Variants in SNX31 observed in about 807,000 individuals in gnomAD.
The protein encoded by SNX31 is sorting nexin-31.
In SNX31, 58 loss-of-function variants were observed where a neutral mutation model predicts 65.4. The observed-to-expected ratio is 0.89, with a 90% CI of 0.72 to 1.10. The LOEUF (loss-of-function observed/expected upper bound fraction) is 1.10. Among genes scored for constraint, SNX31 ranks in the 50% least tolerant of loss-of-function variants. The probability of loss-of-function intolerance (pLI) is 0.00; values close to 1 mark genes in which losing one functional copy is unlikely to be tolerated. For missense variants in SNX31, 523 were observed against 529.7 expected (o/e 0.99, Z 0.12); for synonymous variants, 181 against 190.1 (o/e 0.95, Z 0.39).
At position 100,625,728 on chromosome 8, in the gene SNX31, G is replaced by A. The variant is rs1039601502; in HGVS notation, c.321+4599C>T. Among the ~76,000 whole-genome samples the A allele has an allele frequency of 6.6e-6, 1 of 152,152 alleles. No individual in the cohort carries two copies. Among genetic ancestry groups the A allele is most frequent in the Admixed American group, 6.6e-5 (1 of 15,266 alleles). On this transcript the variant is annotated intron_variant, in intron 4 of 13. Coordinates refer to ENST00000311812, the MANE Select transcript of SNX31 (RefSeq NM_152628.4). The surrounding 1 kb of genome is among the most constrained non-coding windows in gnomAD (Gnocchi z 4.2). ...GAATCAGAGGTCTCAAAGTGCTGCA[G>A]AACTCAAGCAACGCATAAGCTGCCT...
Position 100,612,655 on chromosome 8 carries a change from G to A in SNX31, c.523+340C>T, listed in dbSNP as rs983992789. Among the ~76,000 whole-genome samples, 101 of 152,162 alleles carry A rather than the reference G, an allele frequency of 6.6e-4. No homozygotes were observed. The highest frequency in any genetic ancestry group is 2.2e-3 in the African/African-American group (93 of 41,442). On this transcript the variant is annotated intron_variant, in intron 6 of 13. Transcript: ENST00000311812. This position sits in a 1 kb window ranked among gnomAD's most constrained non-coding sequence, Gnocchi z 4.3. ...AGGAGAAATGATGCTGTGGTGGGGC[G>A]TCCTGACCCCTGGAGTCTAGCACTC...
chr8:100,657,547 T>A (rs1183461872), intron 1 of SNX31, among the ~76,000 whole-genome samples: 1 of 151,880 alleles, frequency 6.6e-6, no homozygotes, highest in Non-Finnish European at 1.5e-5. Context: ...ACAGGCTTGC[T>A]GGCCAAGGAG....
chr8:100,660,076 T>G lies in SNX31; in HGVS notation c.-58+3066A>C, dbSNP rs1809758867. On this transcript the variant is annotated intron_variant, in intron 1 of 5. Transcript: ENST00000520352. The surrounding 1 kb of genome is among the most constrained non-coding windows in gnomAD (Gnocchi z 4.1). Reference sequence around the variant, plus strand: ...ATGAAAATATGATTAAGATCACTCTTTGGCTGAAAGTAAATTATGCCAGTG... The same window carrying G: ...ATGAAAATATGATTAAGATCACTCTGTGGCTGAAAGTAAATTATGCCAGTG... 6.6e-6 allele frequency among the ~76,000 whole-genome samples: 1 copy of G among 152,206 alleles called. No individual in the cohort carries two copies. Among genetic ancestry groups the G allele is most frequent in the South Asian group, 2.1e-4 (1 of 4,834 alleles).
At position 100,578,422 on chromosome 8, in the gene SNX31, C is replaced by CACATG. The variant is rs1813223227; in HGVS notation, c.1171-1352_1171-1348dup. Among the ~76,000 whole-genome samples the CACATG allele has an allele frequency of 1.3e-5, 2 of 152,202 alleles. No homozygotes were observed. Among genetic ancestry groups the CACATG allele is most frequent in the African/African-American group, 4.8e-5 (2 of 41,458 alleles). ...ACTCTGGATCCTCAGGTTTAGCCATCACATGGTACACACAGGCATTCATAA... is the reference window on the plus strand; with the variant it reads ...ACTCTGGATCCTCAGGTTTAGCCATCACATGACATGGTACACACAGGCATTCATAA... On this transcript the variant is annotated intron_variant, in intron 12 of 13. Coordinates refer to ENST00000311812, the MANE Select transcript of SNX31 (RefSeq NM_152628.4). This position sits in a 1 kb window ranked among gnomAD's most constrained non-coding sequence, Gnocchi z 4.7.
chr8:100,620,771 T>C (rs1817625035), intron 4 of SNX31, among the ~76,000 whole-genome samples: 1 of 152,162 alleles, frequency 6.6e-6, no homozygotes, highest in Non-Finnish European at 1.5e-5. Context: ...AATCCCATTA[T>C]TTTTTCAGAT....
rs565356325 is a variant in SNX31, at chr8:100,605,043, C to T, written c.681+3451G>A. Among the ~76,000 whole-genome samples the T allele has an allele frequency of 8.9e-4, 135 of 152,214 alleles. 1 individual carries two copies. The highest frequency in any genetic ancestry group is 3.1e-3 in the African/African-American group (128 of 41,528). ...CCTCCCGAGTAGCTGGGACTACAGG[C>T]GTGCGCCACCGTGCCCAGCTAATTT... On this transcript the variant is annotated intron_variant, in intron 8 of 13. Coordinates refer to ENST00000311812, the MANE Select transcript of SNX31 (RefSeq NM_152628.4).
upstream of SNX31, among the ~76,000 whole-genome samples, chr8:100,650,075 T>G (rs926569250): frequency 1.3e-5 from 2 of 152,084 alleles, no homozygotes; most frequent in Admixed American, 6.5e-5. Context: ...CCCCCCCAAA[T>G]GGAAATGGCT....
rs1174830111 is a variant in SNX31, at chr8:100,588,200, C to T, written c.1092+666G>A. 6.6e-6 allele frequency among the ~76,000 whole-genome samples: 1 copy of T among 151,652 alleles called. No homozygotes were observed. Among genetic ancestry groups the T allele is most frequent in the African/African-American group, 2.4e-5 (1 of 41,256 alleles). On this transcript the variant is annotated intron_variant, in intron 11 of 13. Transcript: ENST00000311812. The surrounding 1 kb of genome is among the most constrained non-coding windows in gnomAD (Gnocchi z 4.8). ...GCCATATATACAGACTGTCATTGACCAAAATGTTATGTACCACATGAATGT... is the reference window on the plus strand; with the variant it reads ...GCCATATATACAGACTGTCATTGACTAAAATGTTATGTACCACATGAATGT...
chr8:100,582,330 C>T (rs573902113), intron 12 of SNX31: 10 of 152,288 alleles, frequency 6.6e-5, no homozygotes, highest in South Asian at 6.2e-4. Flanking sequence ...TTTAATGAGG[C>T]TACTTCAGTT....
chr8:100,649,250 C>G lies in SNX31; in HGVS notation c.141+24G>C, dbSNP rs748975284. 9.3e-6 allele frequency: 15 copies of G among 1,612,232 alleles called. No individual in the cohort carries two copies. In the South Asian group the frequency reaches 1.5e-4, roughly 17 times the overall value. On this transcript the variant is annotated intron_variant, in intron 2 of 13. Coordinates refer to ENST00000311812, the MANE Select transcript of SNX31 (RefSeq NM_152628.4). ...CTCCACCTGTCTCAGTGGATGGGCT[C>G]GTACCCGCCTCCAATCTGCTCACCT...
intron 7 of SNX31, 143 bp from the exon 8 acceptor site, chr8:100,608,706 T>C: frequency 1.4e-6 from 1 of 694,058 alleles, no homozygotes; most frequent in Non-Finnish European, 2.5e-6. Context: ...TTGCCCAGCT[T>C]TCACTCTGCC....
At chr8:100,599,865 C>T (rs1374952926) in intron 9 of SNX31, among the ~76,000 whole-genome samples, 1 of 152,094 alleles carries the variant, frequency 6.6e-6, no homozygotes, top group African/African-American at 2.4e-5. Flanking sequence ...AACACGTACT[C>T]AAAGAGGATG....
Position 100,610,681 on chromosome 8 carries a change from T to C in SNX31, c.611+1319A>G, listed in dbSNP as rs936701653. Among the ~76,000 whole-genome samples, 1 of 152,182 alleles carries C rather than the reference T, an allele frequency of 6.6e-6. No homozygotes were observed. Among genetic ancestry groups the C allele is most frequent in the Non-Finnish European group, 1.5e-5 (1 of 68,036 alleles). On this transcript the variant is annotated intron_variant, in intron 7 of 13. Transcript: ENST00000311812. The surrounding 1 kb of genome is among the most constrained non-coding windows in gnomAD (Gnocchi z 4.0). ...TCCAGAACAGCTGTTCTCTAAACCA[T>C]TGGATGGAACTGAGTTCTTCTCCCC...
intron 2 of SNX31, among the ~76,000 whole-genome samples, chr8:100,636,289 C>T (rs1587044436): frequency 6.6e-6 from 1 of 152,320 alleles, no homozygotes; most frequent in African/African-American, 2.4e-5. Flanking sequence ...ATTTGTTTTA[C>T]AAGACTAGCC....
At chr8:100,597,424 T>A (rs1322313467) in intron 9 of SNX31, among the ~76,000 whole-genome samples, 1 of 152,238 alleles carries the variant, frequency 6.6e-6, no homozygotes, top group East Asian at 1.9e-4. Flanking sequence ...GTATTTTTAG[T>A]GGAGACAGGG....
chr8:100,618,372 C>T, intron 4 of SNX31: 2 of 1,528,812 alleles, frequency 1.3e-6, no homozygotes, highest in Non-Finnish European at 1.8e-6. Flanking sequence ...GCCCATATCC[C>T]TGATTTTTTC....
chr8:100,663,358 G>T (rs1225410501), exon 1 of SNX31: 1 of 152,198 alleles, frequency 6.6e-6, no homozygotes, highest in Non-Finnish European at 1.5e-5. Flanking sequence ...CTCTTTTCTC[G>T]ACAGTACAAC....
Position 100,625,089 on chromosome 8 carries a change from G to A in SNX31, c.321+5238C>T, listed in dbSNP as rs955257937. ...GCCCCCCAAAGTTCTGGGATTACAG[G>A]TGTGAGCCACCACGTTTGGCCCAGC... On this transcript the variant is annotated intron_variant, in intron 4 of 13. Coordinates refer to ENST00000311812, the MANE Select transcript of SNX31 (RefSeq NM_152628.4). The surrounding 1 kb of genome is among the most constrained non-coding windows in gnomAD (Gnocchi z 4.2). Among the ~76,000 whole-genome samples, 2 of 152,104 alleles carry A rather than the reference G, an allele frequency of 1.3e-5. No homozygotes were observed. The highest frequency in any genetic ancestry group is 4.8e-5 in the African/African-American group (2 of 41,414).
intron 8 of SNX31, among the ~76,000 whole-genome samples, chr8:100,603,079 T>G (rs1815796824): frequency 6.6e-6 from 1 of 152,262 alleles, no homozygotes; most frequent in African/African-American, 2.4e-5. Context: ...CATCAAGCCC[T>G]TCTTCCCTTG....
Sources: allele counts gnomAD v4.1 joint callset (sites outside exome capture counted in the v4.1 genomes callset), GRCh38; gene constraint gnomAD v4.1.1; non-coding constraint Gnocchi (gnomAD v3.1); transcripts MANE v1.5; gene names NCBI Gene and HGNC (gene_info 2026-07-23, HGNC 2026-07-21).